GRTP1: variants seen among roughly 807,000 people sequenced by gnomAD.
GRTP1 encodes growth hormone-regulated TBC protein 1.
GRTP1 carries 56 observed loss-of-function variants against 38.1 expected under a neutral mutation model. That is an observed-to-expected ratio of 1.47 (90% CI 1.19 to 1.84). The LOEUF (loss-of-function observed/expected upper bound fraction) is 1.84, where lower values mean the gene tolerates loss of function less well. Ranked by LOEUF, GRTP1 falls within the 40% of genes most tolerant of loss-of-function variation. GRTP1 has a pLI of 0.00. For missense variants in GRTP1, 506 were observed against 453.9 expected (o/e 1.11, Z -1.04); for synonymous variants, 217 against 189.5 (o/e 1.14, Z -1.19).
chr13:113,324,348 T>G lies in GRTP1; in HGVS notation c.*140A>C. On this transcript the variant is annotated 3_prime_UTR_variant, in exon 8 of 8. Coordinates refer to ENST00000375431, the MANE Select transcript of GRTP1 (RefSeq NM_024719.4). The stretch of plus-strand genomic sequence containing the variant: ...GAATGACCTGATTTTAAACTGCTCT[T>G]TTAAAAAATTCACAACTAAAGTGTA... 7.9e-7 allele frequency: 1 copy of G among 1,273,582 alleles called. No homozygotes were observed. The highest frequency in any genetic ancestry group is 1.0e-6 in the Non-Finnish European group (1 of 988,526). The allele number at this position is 1,273,582 out of a possible 1,614,324, so 78.9% of individuals were successfully genotyped here.
intron 5 of GRTP1, among the ~76,000 whole-genome samples, chr13:113,329,062 G>A (rs1194161923): frequency 1.3e-5 from 2 of 152,262 alleles, no homozygotes; most frequent in African/African-American, 4.8e-5. Context: ...TATGTCCCCC[G>A]ATCCGGGTGC....
rs45548535 is a variant in GRTP1 at position 113,324,280 on chromosome 13, C to T, written c.*208G>A. The T allele has an allele frequency of 3.5e-3, 2,252 of 646,234 alleles. 5 individuals carry two copies. The highest frequency in any genetic ancestry group is 4.8e-3 in the Admixed American group (114 of 23,900). 40.0% of individuals were successfully genotyped at this position (646,234 alleles called of 1,614,324 possible). On this transcript the variant is annotated 3_prime_UTR_variant, in exon 8 of 8. Transcript: ENST00000375431. ...GATCTCTCAGGTAAAAATAAGTTTT[C>T]TTTAAAAAGTATGACTTCATAGCTA...
intron 3 of GRTP1, among the ~76,000 whole-genome samples, chr13:113,353,889 C>CA (rs2043331276): frequency 6.6e-6 from 1 of 151,838 alleles, no homozygotes; most frequent in African/African-American, 2.4e-5. Flanking sequence ...CCCATCTCTG[C>CA]AAAAAAATAA....
intron 7 of GRTP1, 104 bp from the exon 8 acceptor site, chr13:113,324,681 A>G (rs1191552519): frequency 3.3e-6 from 5 of 1,497,794 alleles, no homozygotes; most frequent in Non-Finnish European, 4.5e-6. Flanking sequence ...GAGGTGAGGG[A>G]GGAGCAGTCC....
chr13:113,332,515 A>C (rs531542653), intron 5 of GRTP1, among the ~76,000 whole-genome samples: 1 of 152,362 alleles, frequency 6.6e-6, no homozygotes, highest in African/African-American at 2.4e-5. Flanking sequence ...ATCGCACCAA[A>C]TACTCCAGGG....
At position 113,325,758 on chromosome 13, in the gene GRTP1, T is replaced by G. The variant is rs554413002; in HGVS notation, c.824A>C (p.Glu275Ala). ...AACGCTGGTGGCTTCCAAAATCAAC[T>G]CCTGGTGCTGCTTAATTAAGGTCAG... ...VALTLIKQHQ[E>A]LILEATSVPD... is the part of the protein sequence containing the mutation. The change falls in exon 7 of 8, where the codon GAG becomes GCG. Residue 275 changes from glutamate (E) to alanine (A), a missense_variant. By Grantham distance (107) the Glu-to-Ala change is moderately radical. Coordinates refer to ENST00000375431, the MANE Select transcript of GRTP1 (RefSeq NM_024719.4). 6 of 1,609,396 alleles carry G rather than the reference T, an allele frequency of 3.7e-6. No individual in the cohort carries two copies. In the African/African-American group the frequency reaches 6.7e-5, roughly 18 times the overall value.
At chr13:113,361,371 G>C (rs2043496532) in intron 2 of GRTP1, among the ~76,000 whole-genome samples, 1 of 152,106 alleles carries the variant, frequency 6.6e-6, no homozygotes, top group African/African-American at 2.4e-5. Flanking sequence ...GTCCATATTG[G>C]AAAGTGGGGG....
At chr13:113,363,718 A>ACCCACCTGCGCCCTCGGGC in intron 2 of GRTP1, 44 bp downstream of exon 2, 1 of 1,556,240 alleles carries the variant, frequency 6.4e-7, no homozygotes, top group Non-Finnish European at 8.7e-7. Flanking sequence ...TCCCAGCCCA[A>ACCCACCTGCGCCCTCGGGC]CCCACCTGCG....
chr13:113,352,240 ATATTTATATATATTTATATATT>A (rs1433078470), intron 3 of GRTP1, among the ~76,000 whole-genome samples: 3 of 91,460 alleles, frequency 3.3e-5, no homozygotes, highest in East Asian at 4.0e-4. Context: ...ATTTATATAT[ATATTTATATATATTTATATATT>A]TTTATATTTT....
Position 113,364,023 on chromosome 13 carries a change from G to T in GRTP1, c.29C>A (p.Pro10His). 3 of 1,322,692 alleles carry T rather than the reference G, an allele frequency of 2.3e-6. No homozygotes were observed. The highest frequency in any genetic ancestry group is 4.7e-5 in the South Asian group (2 of 42,266). The allele number at this position is 1,322,692 out of a possible 1,614,324, so 81.9% of individuals were successfully genotyped here. The change falls in exon 1 of 8, where the codon CCC becomes CAC. Residue 10 changes from proline to histidine, a missense_variant. Coordinates refer to ENST00000375431, the MANE Select transcript of GRTP1 (RefSeq NM_024719.4). ...GCCCGCACCCCGCGCCACACACCTGGGGACCCGCGAGCGCTCGGCGGGCTG... is the reference window on the plus strand; with the variant it reads ...GCCCGCACCCCGCGCCACACACCTGTGGACCCGCGAGCGCTCGGCGGGCTG... MQPAERSRV[P>H]RIDPYGFERP...
chr13:113,346,236 G>A (rs796257971), intron 4 of GRTP1, among the ~76,000 whole-genome samples: 930 of 21,772 alleles, frequency 0.043, 50 homozygotes, highest in East Asian at 0.11. Flanking sequence ...GAACAGACCC[G>A]GGAGGACCTC....
intron 5 of GRTP1, among the ~76,000 whole-genome samples, chr13:113,329,860 T>A (rs2042831744): frequency 6.6e-6 from 1 of 152,196 alleles, no homozygotes; most frequent in African/African-American, 2.4e-5. Context: ...AAGTGACTCA[T>A]AAAAGATAAT....
chr13:113,324,536 G>T lies in GRTP1; in HGVS notation c.963C>A (p.Val321=). ...SEPGSLSMAT[V]AKLRESCRAR... ...CCCTGCAGCTCTCGCGGAGCTTGGC[G>T]ACGGTGGCCATGGATAAGCTTCCAG... Residue 321 remains valine, a synonymous_variant, in exon 8 of 8, where the codon GTC becomes GTA. Transcript: ENST00000375431. 1 of 1,612,026 alleles carries T rather than the reference G, an allele frequency of 6.2e-7. No individual in the cohort carries two copies. Among genetic ancestry groups the T allele is most frequent in the African/African-American group, 1.3e-5 (1 of 75,022 alleles).
chr13:113,355,183 T>C, intron 3 of GRTP1, 140 bp downstream of exon 3: 1 of 800,638 alleles, frequency 1.2e-6, no homozygotes, highest in Non-Finnish European at 2.0e-6. Context: ...TTTTGATTCT[T>C]TCATGGAGGA....
At chr13:113,345,523 G>A (rs1193702208) in intron 4 of GRTP1, among the ~76,000 whole-genome samples, 1 of 152,258 alleles carries the variant, frequency 6.6e-6, no homozygotes, top group Non-Finnish European at 1.5e-5. Flanking sequence ...CCGTGAGTCA[G>A]CGCCATTTCC....
chr13:113,338,087 G>A (rs560160295), intron 5 of GRTP1, among the ~76,000 whole-genome samples: 7 of 152,326 alleles, frequency 4.6e-5, no homozygotes, highest in African/African-American at 1.2e-4. Context: ...GCAGTCTTCC[G>A]AGACAGGGCC....
intron 1 of GRTP1, 22 bp downstream of exon 1, chr13:113,363,998 G>A: frequency 6.8e-7 from 1 of 1,480,080 alleles, no homozygotes; most frequent in South Asian, 1.4e-5. Flanking sequence ...CGCCGGGGAC[G>A]CCCGCACCCC....
chr13:113,346,073 G>GGAGGACCTCTGTGC (rs1566429027), intron 4 of GRTP1, among the ~76,000 whole-genome samples: 3 of 83,210 alleles, frequency 3.6e-5, no homozygotes, highest in African/African-American at 5.4e-5. Flanking sequence ...GACCTCTGCG[G>GGAGGACCTCTGTGC]CTGAGCAGAC....
chr13:113,352,782 T>G (rs1445366372), intron 3 of GRTP1, among the ~76,000 whole-genome samples: 3 of 152,232 alleles, frequency 2.0e-5, no homozygotes, highest in African/African-American at 7.2e-5. Context: ...GGCCTGGCAT[T>G]GGCTCTGTGG....
Sources: gnomAD v4.1 joint callset for allele counts (sites outside exome capture counted in the v4.1 genomes callset) on GRCh38, gnomAD v4.1.1 for gene constraint, MANE v1.5 for transcripts, NCBI Gene and HGNC (gene_info 2026-07-23, HGNC 2026-07-21) for gene names.